Variants in CSTL1 observed in about 807,000 individuals in gnomAD.
CSTL1 encodes cystatin-like 1.
Under a neutral mutation model 14.4 loss-of-function variants are expected in CSTL1, and 14 were observed. The observed-to-expected ratio is 0.97, with a 90% confidence interval of 0.64 to 1.52. The LOEUF is 1.52. Among genes scored for constraint, CSTL1 ranks in the 40% most tolerant of loss-of-function variants. The pLI is 0.00. For missense variants in CSTL1, 170 were observed against 168.7 expected (o/e 1.01, Z -0.04); for synonymous variants, 72 against 67.5 (o/e 1.07, Z -0.33).
the CSTL1 span, chr20:23,457,528 G>C: frequency 1.3e-5 from 2 of 151,740 alleles, no homozygotes; most frequent in African/African-American, 4.8e-5. Flanking sequence ...CCTTGGCATG[G>C]GATAATATGT....
At chr20:23,458,829 C>T in the CSTL1 span, among the ~76,000 whole-genome samples, 4 of 152,092 alleles carry the variant, frequency 2.6e-5, no homozygotes, top group African/African-American at 7.2e-5. Context: ...GAGGAGAGGC[C>T]GAGCTCTTAG....
downstream of CSTL1, among the ~76,000 whole-genome samples, chr20:23,445,404 C>T (rs1279935713): frequency 1.3e-5 from 2 of 152,148 alleles, no homozygotes; most frequent in Middle Eastern, 3.4e-3. Context: ...AGGTGCACAC[C>T]GCTTTGTCCA....
intron 2 of CSTL1, chr20:23,442,233 T>C (rs1053508186): frequency 2.6e-5 from 4 of 152,206 alleles, no homozygotes; most frequent in South Asian, 2.1e-4. Context: ...ATATGACCAT[T>C]GTGTCTGTCC....
the CSTL1 span, among the ~76,000 whole-genome samples, chr20:23,453,038 AAC>A: frequency 4.6e-5 from 7 of 152,042 alleles, no homozygotes; most frequent in Admixed American, 3.9e-4. Flanking sequence ...CACACAGGAT[AAC>A]ACACACATTT....
At chr20:23,447,504 T>C (rs943273319), downstream of CSTL1, among the ~76,000 whole-genome samples, 2 of 151,694 alleles carry the variant, frequency 1.3e-5, no homozygotes, top group Non-Finnish European at 2.9e-5. Flanking sequence ...GTTCCACTCT[T>C]GTTGCCCAGG....
At chr20:23,443,296 T>C (rs560562011) in intron 2 of CSTL1, among the ~76,000 whole-genome samples, 3 of 152,280 alleles carry the variant, frequency 2.0e-5, no homozygotes, top group Non-Finnish European at 2.9e-5. Flanking sequence ...ATTATGAAAA[T>C]ATTTAAAATT....
chr20:23,452,707 A>G, the CSTL1 span: 1 of 1,614,072 alleles, frequency 6.2e-7, no homozygotes, highest in East Asian at 2.2e-5. Context: ...CCATCACTTC[A>G]TGGACGCTTA....
chr20:23,457,485 C>T, the CSTL1 span: 1 of 151,976 alleles, frequency 6.6e-6, no homozygotes, highest in Non-Finnish European at 1.5e-5. Context: ...TTGCATATGA[C>T]TTTAGGGAGG....
intron 2 of CSTL1, 34 bp downstream of exon 2, chr20:23,440,520 C>A (rs189063651): frequency 1.2e-5 from 18 of 1,498,850 alleles, no homozygotes; most frequent in Non-Finnish European, 1.7e-5. Flanking sequence ...CATCAGCAGG[C>A]CCTGTTCTTG....
chr20:23,457,358 A>G, the CSTL1 span, among the ~76,000 whole-genome samples: 1 of 152,104 alleles, frequency 6.6e-6, no homozygotes, highest in Non-Finnish European at 1.5e-5. Flanking sequence ...TGGGTGAGCA[A>G]TTCAGGTGGC....
At chr20:23,441,903 G>C (rs930800040) in intron 2 of CSTL1, among the ~76,000 whole-genome samples, 1 of 152,176 alleles carries the variant, frequency 6.6e-6, no homozygotes, top group Non-Finnish European at 1.5e-5. Flanking sequence ...AGAGAGAACC[G>C]GCAAGGCGGG....
In CSTL1 at chr20:23,440,159, G is replaced by A. The variant is rs982081530; in HGVS notation, c.-109G>A. 3.6e-6 allele frequency: 4 copies of A among 1,111,808 alleles called. No individual in the cohort carries two copies. Among genetic ancestry groups the A allele is most frequent in the Non-Finnish European group, 5.3e-6 (4 of 752,970 alleles). 68.9% of individuals were successfully genotyped at this position (1,111,808 alleles called of 1,614,324 possible). On this transcript the variant is annotated 5_prime_UTR_variant, in exon 2 of 4. Transcript: ENST00000347397. ...TTAAATGCAGGCAGGCCATCCCCCAGGAAAGCCTATGTTGGTGAGGGTTAT... is the reference window on the plus strand; with the variant it reads ...TTAAATGCAGGCAGGCCATCCCCCAAGAAAGCCTATGTTGGTGAGGGTTAT...
chr20:23,459,251 T>A, the CSTL1 span: 1 of 152,308 alleles, frequency 6.6e-6, no homozygotes, highest in East Asian at 1.9e-4. Flanking sequence ...TCACTTTGAA[T>A]CCCTTGGGAC....
the CSTL1 span, chr20:23,451,756 C>G: frequency 8.1e-7 from 1 of 1,241,670 alleles, no homozygotes; most frequent in South Asian, 1.3e-5. Flanking sequence ...CATTCTAAAG[C>G]CACAGAAAAA....
the CSTL1 span, among the ~76,000 whole-genome samples, chr20:23,451,110 A>T: frequency 6.6e-6 from 1 of 151,882 alleles, no homozygotes; most frequent in African/African-American, 2.4e-5. Flanking sequence ...ATCTCCATTC[A>T]TTCTTCCATT....
At chr20:23,451,667 C>T in the CSTL1 span, 1 of 562,034 alleles carries the variant, frequency 1.8e-6, no homozygotes, top group South Asian at 2.1e-5. Flanking sequence ...CCTTTGCTTT[C>T]CCTCTCTGAG....
At chr20:23,442,620 C>G (rs16985360) in intron 2 of CSTL1, among the ~76,000 whole-genome samples, 3,339 of 152,290 alleles carry the variant, frequency 0.022, 125 homozygotes, top group African/African-American at 0.076. Flanking sequence ...CCTGCAAATG[C>G]CCATGCATGG....
At chr20:23,440,531 C>A in intron 2 of CSTL1, 45 bp downstream of exon 2, 5 of 1,412,920 alleles carry the variant, frequency 3.5e-6, no homozygotes, top group Non-Finnish European at 5.0e-6. Context: ...CCTGTTCTTG[C>A]CAGTTCAGAC....
chr20:23,441,406 C>T (rs1334122837), intron 2 of CSTL1, among the ~76,000 whole-genome samples: 1 of 152,172 alleles, frequency 6.6e-6, no homozygotes, highest in African/African-American at 2.4e-5. Flanking sequence ...TTAGGGAACC[C>T]CTTTTATTGG....
Sources: gnomAD v4.1 joint callset for allele counts (sites outside exome capture counted in the v4.1 genomes callset) on GRCh38, gnomAD v4.1.1 for gene constraint, MANE v1.5 for transcripts, NCBI Gene and HGNC (gene_info 2026-07-23, HGNC 2026-07-21) for gene names.